Variants in MBNL2 observed in about 807,000 individuals in gnomAD.
The protein encoded by MBNL2 is muscleblind like splicing regulator 2.
MBNL2 carries 17 observed loss-of-function variants against 41.9 expected under a neutral mutation model. The ratio of observed to expected loss-of-function variants is 0.41; its 90% CI spans 0.28 to 0.61. The LOEUF is 0.61. Ranked by LOEUF, MBNL2 falls within the 20% of genes least tolerant of loss-of-function variation. The pLI, the probability that MBNL2 is intolerant of heterozygous loss-of-function variation, is 0.35. For missense variants in MBNL2, 336 were observed against 505.6 expected (o/e 0.66, Z 3.22); for synonymous variants, 195 against 182.9 (o/e 1.07, Z -0.53).
rs567463145 is a variant in MBNL2 at position 97,278,469 on chromosome 13, C to T, written c.174+2060C>T. Reference sequence around the variant, plus strand: ...AAACCTTATATTCTTTAATGTAATTCGAGAAATATGGGGAAAATAATTCCT... The same window carrying T: ...AAACCTTATATTCTTTAATGTAATTTGAGAAATATGGGGAAAATAATTCCT... On this transcript the variant is annotated intron_variant, in intron 2 of 8. Transcript: ENST00000679496. Among the ~76,000 whole-genome samples, 16 of 151,990 alleles carry T rather than the reference C, an allele frequency of 1.1e-4. No individual in the cohort carries two copies. In the East Asian group the frequency reaches 2.5e-3, roughly 24 times the overall value.
chr13:97,318,247 G>C (rs1343052680), intron 2 of MBNL2, among the ~76,000 whole-genome samples: 1 of 152,176 alleles, frequency 6.6e-6, no homozygotes, highest in Non-Finnish European at 1.5e-5. Flanking sequence ...GTGAGAATTC[G>C]GCAAACATAA....
At chr13:97,237,501 C>T (rs1446275223) in intron 1 of MBNL2, among the ~76,000 whole-genome samples, 2 of 152,170 alleles carry the variant, frequency 1.3e-5, no homozygotes, top group Admixed American at 1.3e-4. Flanking sequence ...AAATAAATCA[C>T]CATGGTGAAG....
In MBNL2 at chr13:97,366,828, C is replaced by T; in HGVS notation, c.1048+1657C>T. ...TGACAGGCTTAAATTCCTTTTAGTA[C>T]AGCATTACCTATCCAGTGGTTTGTG... On this transcript the variant is annotated intron_variant, in intron 8 of 8. Coordinates refer to ENST00000679496, the MANE Select transcript of MBNL2 (RefSeq NM_001382683.1). This position sits in a 1 kb window ranked among gnomAD's most constrained non-coding sequence, Gnocchi z 4.7. 1 of 471,900 alleles carries T rather than the reference C, an allele frequency of 2.1e-6. No individual in the cohort carries two copies. Among genetic ancestry groups the T allele is most frequent in the Non-Finnish European group, 3.9e-6 (1 of 258,970 alleles). The allele number at this position is 471,900 out of a possible 1,614,324, so 29.2% of individuals were successfully genotyped here. A position where few individuals can be genotyped will look rare whatever the true frequency, so the allele number is the denominator to read the frequency against.
the MBNL2 span, among the ~76,000 whole-genome samples, chr13:97,174,786 ACT>A: frequency 2.0e-5 from 3 of 151,744 alleles, no homozygotes; most frequent in South Asian, 4.2e-4. Context: ...GAAAGCAGAG[ACT>A]CTCTAGACTC....
chr13:97,266,067 C>A (rs1016511601), intron 1 of MBNL2, among the ~76,000 whole-genome samples: 3 of 151,974 alleles, frequency 2.0e-5, no homozygotes, highest in African/African-American at 7.3e-5. Context: ...CATGGTGAAG[C>A]CCCTTCTCTA....
chr13:97,239,745 T>C (rs1488476846), intron 1 of MBNL2, among the ~76,000 whole-genome samples: 1 of 152,234 alleles, frequency 6.6e-6, no homozygotes, highest in Non-Finnish European at 1.5e-5. Context: ...AAATAAGTTT[T>C]AGCTGCTTGA....
chr13:97,196,056 A>G, the MBNL2 span, among the ~76,000 whole-genome samples: 1 of 152,234 alleles, frequency 6.6e-6, no homozygotes, highest in Non-Finnish European at 1.5e-5. Flanking sequence ...GCCGTGTCTC[A>G]TATCAATTCC....
chr13:97,318,491 G>A (rs1399741736), intron 2 of MBNL2, among the ~76,000 whole-genome samples: 3 of 152,168 alleles, frequency 2.0e-5, no homozygotes, highest in Non-Finnish European at 4.4e-5. Context: ...ACAGCACGGT[G>A]TCTAGCATGC....
At chr13:97,345,919 G>T (rs1231421480) in intron 4 of MBNL2, among the ~76,000 whole-genome samples, 2 of 152,156 alleles carry the variant, frequency 1.3e-5, no homozygotes, top group African/African-American at 4.8e-5. Context: ...ATACAAGTAG[G>T]TGATTGAAGA....
At chr13:97,318,261 G>A (rs1429467775) in intron 2 of MBNL2, among the ~76,000 whole-genome samples, 2 of 152,326 alleles carry the variant, frequency 1.3e-5, no homozygotes, top group South Asian at 2.1e-4. Flanking sequence ...AACATAATTA[G>A]TTTTTATAAC....
chr13:97,333,922 GAAGAAAGGAAAGA>G (rs903706818), intron 2 of MBNL2, among the ~76,000 whole-genome samples: 1 of 130,078 alleles, frequency 7.7e-6, no homozygotes, highest in Admixed American at 9.2e-5. Flanking sequence ...AATCTGAAAG[GAAGAAAGGAAAGA>G]AAGAAAGAAA....
chr13:97,315,017 A>G (rs1594198494), intron 2 of MBNL2, among the ~76,000 whole-genome samples: 1 of 152,194 alleles, frequency 6.6e-6, no homozygotes, highest in Non-Finnish European at 1.5e-5. Flanking sequence ...ATTTTCATAT[A>G]TATAAATAAT....
intron 2 of MBNL2, among the ~76,000 whole-genome samples, chr13:97,313,557 C>G (rs558377573): frequency 2.0e-5 from 3 of 152,322 alleles, no homozygotes; most frequent in African/African-American, 7.2e-5. Flanking sequence ...CCCTGCTCTG[C>G]TGGAGAGACT....
intron 1 of MBNL2, among the ~76,000 whole-genome samples, chr13:97,231,121 A>C (rs1329161271): frequency 6.6e-6 from 1 of 152,196 alleles, no homozygotes. Flanking sequence ...TTCTGATTCT[A>C]GCAGTTCTCA....
chr13:97,224,704 C>T (rs1456072645), intron 1 of MBNL2, among the ~76,000 whole-genome samples: 1 of 150,534 alleles, frequency 6.6e-6, no homozygotes, highest in East Asian at 2.0e-4. Flanking sequence ...GGGATAAAAC[C>T]TCGGTATTAA....
chr13:97,230,421 G>A (rs968076023), intron 1 of MBNL2, among the ~76,000 whole-genome samples: 4 of 152,196 alleles, frequency 2.6e-5, no homozygotes, highest in African/African-American at 9.6e-5. Context: ...ACATCTAAGT[G>A]GAGATGTCTC....
At chr13:97,178,283 T>G in the MBNL2 span, among the ~76,000 whole-genome samples, 1 of 152,200 alleles carries the variant, frequency 6.6e-6, no homozygotes, top group Non-Finnish European at 1.5e-5. Context: ...TTTATTTATG[T>G]GTTTAACTAT....
At chr13:97,178,705 G>A in the MBNL2 span, among the ~76,000 whole-genome samples, 1 of 152,142 alleles carries the variant, frequency 6.6e-6, no homozygotes, top group Non-Finnish European at 1.5e-5. Context: ...AGACCAGTCT[G>A]GGCATCATGG....
intron 1 of MBNL2, among the ~76,000 whole-genome samples, chr13:97,254,859 A>G (rs1429041220): frequency 6.6e-6 from 1 of 152,124 alleles, no homozygotes; most frequent in Non-Finnish European, 1.5e-5. Context: ...CAGCCCAGGT[A>G]CTCTTGGGTG....
Sources: gnomAD v4.1 joint callset for allele counts (sites outside exome capture counted in the v4.1 genomes callset) on GRCh38, gnomAD v4.1.1 for gene constraint, Gnocchi (gnomAD v3.1) non-coding constraint, MANE v1.5 for transcripts, NCBI Gene and HGNC (gene_info 2026-07-23, HGNC 2026-07-21) for gene names.